BRD10: variants seen among roughly 807,000 people sequenced by gnomAD.
The protein encoded by BRD10 is bromodomain containing 10.
chr9:5,886,584 G>C, the BRD10 span, among the ~76,000 whole-genome samples: 1 of 152,230 alleles, frequency 6.6e-6, no homozygotes, highest in East Asian at 1.9e-4. Context: ...AGTGCAAGTG[G>C]TTTGGACTCT....
the BRD10 span, among the ~76,000 whole-genome samples, chr9:5,883,082 A>C: frequency 6.6e-6 from 1 of 152,148 alleles, no homozygotes; most frequent in African/African-American, 2.4e-5. Flanking sequence ...TGGGTGCAGC[A>C]CACCAACATG....
chr9:5,952,702 A>G, the BRD10 span, among the ~76,000 whole-genome samples: 1 of 152,174 alleles, frequency 6.6e-6, no homozygotes, highest in African/African-American at 2.4e-5. Flanking sequence ...AATGGGCCAG[A>G]TTTGCTCTAA....
the BRD10 span, among the ~76,000 whole-genome samples, chr9:5,964,619 C>T: frequency 1.4e-4 from 19 of 140,210 alleles, no homozygotes; most frequent in African/African-American, 4.6e-4. Context: ...ATGTTTATTG[C>T]GGCATTATTC....
chr9:5,880,879 A>C, the BRD10 span, among the ~76,000 whole-genome samples: 4 of 151,738 alleles, frequency 2.6e-5, no homozygotes, highest in Non-Finnish European at 5.9e-5. Context: ...TAATTTTTAT[A>C]TTTTTAGTAG....
the BRD10 span, among the ~76,000 whole-genome samples, chr9:6,004,348 C>T: frequency 0.01 from 1,533 of 152,280 alleles, 18 homozygotes; most frequent in African/African-American, 0.034. Context: ...GACATGAATG[C>T]CTAATTCTAG....
At chr9:5,988,214 C>G in the BRD10 span, 2 of 641,494 alleles carry the variant, frequency 3.1e-6, no homozygotes, top group Non-Finnish European at 5.3e-6. Flanking sequence ...AATTTTATTG[C>G]GATATTTCAT....
chr9:5,888,778 G>C, the BRD10 span, among the ~76,000 whole-genome samples: 1 of 152,192 alleles, frequency 6.6e-6, no homozygotes, highest in African/African-American at 2.4e-5. Context: ...TTCAGCATTT[G>C]AAGCAAATTG....
the BRD10 span, chr9:5,892,599 G>GAC: frequency 1.3e-6 from 2 of 1,535,962 alleles, no homozygotes; most frequent in Non-Finnish European, 1.8e-6. Context: ...GCCGTTTGCT[G>GAC]ACACAGCCTG....
the BRD10 span, among the ~76,000 whole-genome samples, chr9:5,902,281 T>C: frequency 6.6e-6 from 1 of 152,316 alleles, no homozygotes; most frequent in African/African-American, 2.4e-5. Context: ...GTTTTCAAAT[T>C]TGTGAGCATA....
chr9:5,903,105 T>C, the BRD10 span, among the ~76,000 whole-genome samples: 2 of 143,884 alleles, frequency 1.4e-5, no homozygotes, highest in Non-Finnish European at 3.2e-5. Flanking sequence ...AGAAGTGTGT[T>C]GTTTAATCTC....
the BRD10 span, chr9:5,898,807 C>T: frequency 2.6e-5 from 4 of 152,340 alleles, no homozygotes; most frequent in East Asian, 7.7e-4. Flanking sequence ...CTACACTAAG[C>T]ATCCCAGGAT....
the BRD10 span, among the ~76,000 whole-genome samples, chr9:5,971,900 C>T: frequency 2.0e-5 from 3 of 151,462 alleles, no homozygotes; most frequent in South Asian, 2.1e-4. Flanking sequence ...TTTGTCTTCA[C>T]AATAGGAGTG....
At chr9:5,975,967 T>C in the BRD10 span, among the ~76,000 whole-genome samples, 1 of 152,296 alleles carries the variant, frequency 6.6e-6, no homozygotes, top group South Asian at 2.1e-4. Flanking sequence ...TCAGTGGAAG[T>C]AGGTGTAAAA....
At chr9:5,939,878 A>G in the BRD10 span, among the ~76,000 whole-genome samples, 1 of 152,186 alleles carries the variant, frequency 6.6e-6, no homozygotes, top group Non-Finnish European at 1.5e-5. Context: ...AACTATGACA[A>G]TCAATGTGTC....
At chr9:5,951,035 T>TACAC in the BRD10 span, among the ~76,000 whole-genome samples, 1,768 of 141,714 alleles carry the variant, frequency 0.012, 18 homozygotes, top group East Asian at 0.03. Flanking sequence ...GGGCTGACTG[T>TACAC]ACACACACAC....
the BRD10 span, among the ~76,000 whole-genome samples, chr9:5,902,267 C>T: frequency 6.6e-6 from 1 of 152,020 alleles, no homozygotes; most frequent in African/African-American, 2.4e-5. Flanking sequence ...TTACATTCAC[C>T]TAGGTTTTCA....
the BRD10 span, among the ~76,000 whole-genome samples, chr9:5,971,963 G>A: frequency 6.6e-6 from 1 of 152,200 alleles, no homozygotes; most frequent in Admixed American, 6.5e-5. Flanking sequence ...GACTCATATG[G>A]ATTTATTGCC....
chr9:5,940,352 G>A, the BRD10 span, among the ~76,000 whole-genome samples: 2 of 151,874 alleles, frequency 1.3e-5, no homozygotes, highest in Admixed American at 6.6e-5. Flanking sequence ...CGCCACTACA[G>A]CCTGGCTAAT....
chr9:5,941,400 T>A, the BRD10 span, among the ~76,000 whole-genome samples: 1 of 152,164 alleles, frequency 6.6e-6, no homozygotes, highest in Non-Finnish European at 1.5e-5. Flanking sequence ...ATGTAAATAA[T>A]GATGAGAAAG....
Sources: gnomAD v4.1 joint callset for allele counts (sites outside exome capture counted in the v4.1 genomes callset) on GRCh38, gnomAD v4.1.1 for gene constraint, MANE v1.5 for transcripts, NCBI Gene and HGNC (gene_info 2026-07-23, HGNC 2026-07-21) for gene names.